The following LINGO2 variants were observed in gnomAD, a reference collection of about 807,000 sequenced individuals.
The protein encoded by LINGO2 is leucine-rich repeat and immunoglobulin-like domain-containing nogo receptor-interacting protein 2.
A neutral mutation model predicts 30.6 loss-of-function variants in LINGO2; 14 were observed. The ratio of observed to expected loss-of-function variants is 0.46; its 90% CI spans 0.30 to 0.72. LINGO2 has a LOEUF of 0.72. Among genes scored for constraint, LINGO2 ranks in the 30% least tolerant of loss-of-function variants. The probability of loss-of-function intolerance (pLI) is 0.07; values close to 1 mark genes in which losing one functional copy is unlikely to be tolerated. For synonymous variants in LINGO2, 317 were observed against 288.5 expected (o/e 1.10, Z -1.00); for missense variants, 729 against 751.7 (o/e 0.97, Z 0.35).
chr9:28,413,018 C>T (rs1006453985), intron 2 of LINGO2, among the ~76,000 whole-genome samples: 2 of 152,072 alleles, frequency 1.3e-5, no homozygotes, highest in Non-Finnish European at 2.9e-5. Context: ...TACATTTTCT[C>T]TTCCTTATGA....
Position 28,300,177 on chromosome 9 carries a change from T to A in LINGO2, c.-245-4811A>T, listed in dbSNP as rs1824086222. ...CAAAGAGAAGACTGTGTTGATAGACTATGACAAAACCCCTGATTAGATTAA... is the reference window on the plus strand; with the variant it reads ...CAAAGAGAAGACTGTGTTGATAGACAATGACAAAACCCCTGATTAGATTAA... On this transcript the variant is annotated intron_variant, in intron 3 of 5. Coordinates refer to ENST00000379992, the Ensembl canonical transcript of LINGO2. Among the ~76,000 whole-genome samples, 2 of 150,848 alleles carry A rather than the reference T, an allele frequency of 1.3e-5. 1 individual carries two copies. The highest frequency in any genetic ancestry group is 4.2e-4 in the South Asian group (2 of 4,770).
At chr9:28,044,624 G>A (rs1206541388) in intron 4 of LINGO2, among the ~76,000 whole-genome samples, 2 of 152,058 alleles carry the variant, frequency 1.3e-5, no homozygotes, top group Non-Finnish European at 2.9e-5. Flanking sequence ...ACAGGATAAA[G>A]TATGGTATGG....
chr9:28,526,297 A>G (rs181002604), intron 1 of LINGO2, among the ~76,000 whole-genome samples: 2 of 152,286 alleles, frequency 1.3e-5, no homozygotes, highest in Admixed American at 6.5e-5. Context: ...AGCCAGAAAA[A>G]TAAACTGCTT....
intron 1 of LINGO2, among the ~76,000 whole-genome samples, chr9:28,482,721 C>G (rs1826024784): frequency 6.6e-6 from 1 of 151,938 alleles, no homozygotes; most frequent in Non-Finnish European, 1.5e-5. Flanking sequence ...CTTTGGCAAA[C>G]CTGACAAAAA....
chr9:28,391,382 C>T (rs1196946976), intron 2 of LINGO2, among the ~76,000 whole-genome samples: 1 of 152,122 alleles, frequency 6.6e-6, no homozygotes, highest in East Asian at 1.9e-4. Context: ...TTATAAATCA[C>T]CTTATTACTT....
At chr9:28,862,961 G>A in the LINGO2 span, among the ~76,000 whole-genome samples, 1 of 151,986 alleles carries the variant, frequency 6.6e-6, no homozygotes, top group Non-Finnish European at 1.5e-5. Context: ...TCAACAATTA[G>A]GCTTTTGTGA....
intron 1 of LINGO2, among the ~76,000 whole-genome samples, chr9:28,611,390 T>C (rs2135786079): frequency 6.6e-6 from 1 of 152,098 alleles, no homozygotes; most frequent in Middle Eastern, 3.4e-3. Context: ...GAGCATTAAA[T>C]GTGAGAGAGA....
At chr9:28,368,598 T>TC (rs202243056) in intron 3 of LINGO2, among the ~76,000 whole-genome samples, 29,986 of 149,304 alleles carry the variant, frequency 0.2, 3,202 homozygotes, top group Middle Eastern at 0.38. Flanking sequence ...TCTTTTCTTT[T>TC]TTTTTTTTTT....
the LINGO2 span, among the ~76,000 whole-genome samples, chr9:28,957,619 T>C: frequency 3.9e-5 from 6 of 152,284 alleles, no homozygotes; most frequent in South Asian, 4.1e-4. Context: ...CTGTGGAATA[T>C]AAATTTTGAA....
chr9:28,301,551 T>C (rs1182258658), intron 3 of LINGO2, among the ~76,000 whole-genome samples: 1 of 152,160 alleles, frequency 6.6e-6, no homozygotes, highest in Non-Finnish European at 1.5e-5. Context: ...AGATGACACT[T>C]CCCTAGATTA....
At chr9:28,733,712 G>A in the LINGO2 span, among the ~76,000 whole-genome samples, 9 of 151,962 alleles carry the variant, frequency 5.9e-5, no homozygotes, top group African/African-American at 2.2e-4. Context: ...TAACCTCTGT[G>A]CCTTCCAAAG....
At chr9:28,039,891 C>G (rs1390423589) in intron 4 of LINGO2, among the ~76,000 whole-genome samples, 1 of 152,150 alleles carries the variant, frequency 6.6e-6, no homozygotes, top group Non-Finnish European at 1.5e-5. Flanking sequence ...GACCCACCCC[C>G]TTGTGAGATA....
intron 4 of LINGO2, among the ~76,000 whole-genome samples, chr9:28,232,643 C>A (rs755641557): frequency 2.0e-5 from 3 of 151,966 alleles, no homozygotes; most frequent in African/African-American, 7.3e-5. Flanking sequence ...ACTCTCTTAA[C>A]AATTTTCAAG....
intron 3 of LINGO2, among the ~76,000 whole-genome samples, chr9:28,343,671 C>T (rs1332649699): frequency 6.6e-6 from 1 of 152,118 alleles, no homozygotes; most frequent in Non-Finnish European, 1.5e-5. Context: ...AAGGATCTTA[C>T]TCAGGTACCT....
the LINGO2 span, among the ~76,000 whole-genome samples, chr9:29,031,081 T>C: frequency 6.6e-6 from 1 of 152,142 alleles, no homozygotes; most frequent in Non-Finnish European, 1.5e-5. Flanking sequence ...AGAAAAACCA[T>C]GAATCCTGGT....
At chr9:29,161,079 T>A in the LINGO2 span, among the ~76,000 whole-genome samples, 1 of 152,162 alleles carries the variant, frequency 6.6e-6, no homozygotes, top group South Asian at 2.1e-4. Context: ...CTCAACATGC[T>A]CACACTCATG....
At chr9:28,724,734 G>GA in the LINGO2 span, among the ~76,000 whole-genome samples, 1 of 152,126 alleles carries the variant, frequency 6.6e-6, no homozygotes, top group Admixed American at 6.6e-5. Context: ...CCCACAAAGA[G>GA]AAAGTATGCA....
chr9:28,498,061 T>C (rs1054881408), intron 1 of LINGO2, among the ~76,000 whole-genome samples: 1 of 152,154 alleles, frequency 6.6e-6, no homozygotes, highest in Non-Finnish European at 1.5e-5. Flanking sequence ...GGTGTCAGTC[T>C]GCCCCTACTC....
intron 1 of LINGO2, among the ~76,000 whole-genome samples, chr9:28,507,581 T>G (rs1820202983): frequency 6.6e-6 from 1 of 152,092 alleles, no homozygotes; most frequent in Non-Finnish European, 1.5e-5. Flanking sequence ...ATGTCCAAGA[T>G]AGGTTAGTAA....
Sources: gnomAD v4.1 joint callset for allele counts (sites outside exome capture counted in the v4.1 genomes callset) on GRCh38, gnomAD v4.1.1 for gene constraint, MANE v1.5 for transcripts, NCBI Gene and HGNC (gene_info 2026-07-23, HGNC 2026-07-21) for gene names.